The following THSD7B variants were observed in gnomAD, a reference collection of about 807,000 sequenced individuals.
THSD7B encodes thrombospondin type-1 domain-containing protein 7B.
A neutral mutation model predicts 213.6 loss-of-function variants in THSD7B; 138 were observed. The observed-to-expected ratio is 0.65, with a 90% confidence interval of 0.56 to 0.74. THSD7B has a LOEUF of 0.74. THSD7B is among the 30% of genes least tolerant of loss of function. The pLI is 0.00. For synonymous variants in THSD7B, 742 were observed against 687.0 expected (o/e 1.08, Z -1.25); for missense variants, 1,931 against 1,991.5 (o/e 0.97, Z 0.58).
Position 137,527,701 on chromosome 2 carries a change from A to G in THSD7B, c.3139-35520A>G, listed in dbSNP as rs77345553. Reference sequence around the variant, plus strand: ...ATCAGCATGAGTTGCCCTGGCTGCAAAGTGAACTTAGGGATAGATCTGTGA... The same window carrying G: ...ATCAGCATGAGTTGCCCTGGCTGCAGAGTGAACTTAGGGATAGATCTGTGA... On this transcript the variant is annotated intron_variant, in intron 15 of 27. Coordinates refer to ENST00000409968, the MANE Select transcript of THSD7B (RefSeq NM_001316349.2). Among the ~76,000 whole-genome samples the G allele has an allele frequency of 1.7e-3, 257 of 152,184 alleles. 7 individuals carry two copies. The East Asian group carries it at 0.043, about 26-fold the overall frequency.
intron 14 of THSD7B, among the ~76,000 whole-genome samples, chr2:137,414,352 A>G (rs987251512): frequency 6.7e-6 from 1 of 149,828 alleles, no homozygotes; most frequent in African/African-American, 2.5e-5. Flanking sequence ...ATACTTGTCT[A>G]TCAAAGAAAA....
chr2:137,284,251 T>G (rs746609572), intron 12 of THSD7B, among the ~76,000 whole-genome samples: 28 of 152,168 alleles, frequency 1.8e-4, no homozygotes, highest in Non-Finnish European at 2.2e-4. Flanking sequence ...TGATATCCCC[T>G]TTGTCATTTT....
chr2:136,908,666 G>C (rs976652549), intron 2 of THSD7B, among the ~76,000 whole-genome samples: 1 of 152,160 alleles, frequency 6.6e-6, no homozygotes, highest in African/African-American at 2.4e-5. Flanking sequence ...ACAGAAAGAT[G>C]GACGTGATTT....
chr2:136,809,778 G>A (rs1288718144), intron 1 of THSD7B, among the ~76,000 whole-genome samples: 4 of 152,172 alleles, frequency 2.6e-5, no homozygotes, highest in African/African-American at 9.7e-5. Flanking sequence ...CCAGCTTGGT[G>A]CCTACTGCTG....
intron 14 of THSD7B, among the ~76,000 whole-genome samples, chr2:137,431,307 G>T (rs578027578): frequency 6.6e-6 from 1 of 152,194 alleles, no homozygotes; most frequent in African/African-American, 2.4e-5. Flanking sequence ...GGAATTGACA[G>T]AAAGGGAATG....
chr2:137,485,502 C>T (rs1161121008), intron 15 of THSD7B, among the ~76,000 whole-genome samples: 6 of 152,048 alleles, frequency 3.9e-5, no homozygotes, highest in African/African-American at 9.7e-5. Context: ...CTTGGCGATG[C>T]GGGCCAAATC....
chr2:137,356,585 G>T (rs1024929669), intron 12 of THSD7B, among the ~76,000 whole-genome samples: 1 of 152,148 alleles, frequency 6.6e-6, no homozygotes, highest in Admixed American at 6.5e-5. Context: ...CTAATAGGAC[G>T]TTGGTAATCA....
rs577754629 is a variant in THSD7B, at chr2:137,670,660, G to A, written c.4739+2799G>A. Among the ~76,000 whole-genome samples the A allele has an allele frequency of 1.3e-5, 2 of 152,230 alleles. 1 individual carries two copies. Among genetic ancestry groups the A allele is most frequent in the South Asian group, 4.1e-4 (2 of 4,834 alleles). On this transcript the variant is annotated intron_variant, in intron 27 of 27. Transcript: ENST00000409968. ...TCTTCGGCCAGGTGCGGTGGCTCAT[G>A]CCTGTAATCCCAGCACTTTGGGAGG...
At chr2:136,893,054 C>A (rs1164131358) in intron 2 of THSD7B, among the ~76,000 whole-genome samples, 1 of 152,072 alleles carries the variant, frequency 6.6e-6, no homozygotes, top group African/African-American at 2.4e-5. Context: ...GAAAATTATA[C>A]CTATGTCATG....
intron 13 of THSD7B, among the ~76,000 whole-genome samples, chr2:137,406,836 G>A (rs1248256446): frequency 6.6e-6 from 1 of 152,150 alleles, no homozygotes; most frequent in Non-Finnish European, 1.5e-5. Context: ...AAAAATTTGT[G>A]CCACATGATT....
chr2:137,645,997 T>C (rs1558870230), intron 21 of THSD7B, among the ~76,000 whole-genome samples: 1 of 152,108 alleles, frequency 6.6e-6, no homozygotes, highest in Admixed American at 6.5e-5. Context: ...TCCACTTTTC[T>C]CCAAAAAAAA....
chr2:137,145,796 T>C (rs981849156), intron 5 of THSD7B, among the ~76,000 whole-genome samples: 1 of 152,124 alleles, frequency 6.6e-6, no homozygotes, highest in Non-Finnish European at 1.5e-5. Context: ...ACCTGTCCTT[T>C]TAGAAATATG....
At chr2:137,042,371 T>C (rs962923251) in intron 2 of THSD7B, among the ~76,000 whole-genome samples, 2 of 152,164 alleles carry the variant, frequency 1.3e-5, no homozygotes, top group African/African-American at 4.8e-5. Context: ...AATAAGAAAG[T>C]ATCATGCATG....
At chr2:137,330,655 C>T (rs891537293) in intron 12 of THSD7B, among the ~76,000 whole-genome samples, 8 of 151,986 alleles carry the variant, frequency 5.3e-5, no homozygotes, top group South Asian at 2.1e-4. Context: ...CTCATGGTCT[C>T]GCTGGCTTCA....
At chr2:137,387,982 C>A (rs10173267) in intron 12 of THSD7B, among the ~76,000 whole-genome samples, 8,798 of 152,130 alleles carry the variant, frequency 0.058, 820 homozygotes, top group African/African-American at 0.2. Flanking sequence ...TGTATATACG[C>A]ACACACACAC....
At chr2:137,428,102 C>T (rs1227838721) in intron 14 of THSD7B, among the ~76,000 whole-genome samples, 1 of 151,936 alleles carries the variant, frequency 6.6e-6, no homozygotes, top group African/African-American at 2.4e-5. Context: ...TACAAGACAA[C>T]AAATAAAAGG....
At chr2:137,387,575 G>C (rs1010607093) in intron 12 of THSD7B, among the ~76,000 whole-genome samples, 1 of 152,138 alleles carries the variant, frequency 6.6e-6, no homozygotes, top group Non-Finnish European at 1.5e-5. Context: ...AGGGTCAGAA[G>C]TATATAAATG....
At chr2:137,582,570 A>G (rs1681605755) in intron 17 of THSD7B, among the ~76,000 whole-genome samples, 1 of 141,638 alleles carries the variant, frequency 7.1e-6, no homozygotes, top group Non-Finnish European at 1.5e-5. Flanking sequence ...ATTCCCACCT[A>G]TGAGTGAGAA....
At chr2:136,866,072 C>T (rs1012982911) in intron 1 of THSD7B, among the ~76,000 whole-genome samples, 1 of 152,156 alleles carries the variant, frequency 6.6e-6, no homozygotes, top group African/African-American at 2.4e-5. Flanking sequence ...CTCTGGTTCC[C>T]CAAAAGTATT....
Sources: allele counts gnomAD v4.1 joint callset (sites outside exome capture counted in the v4.1 genomes callset), GRCh38; gene constraint gnomAD v4.1.1; transcripts MANE v1.5; gene names NCBI Gene and HGNC (gene_info 2026-07-23, HGNC 2026-07-21).